The following ASIC2 variants were observed in gnomAD, a reference collection of about 807,000 sequenced individuals.
ASIC2 encodes acid-sensing ion channel 2.
ASIC2 carries 25 observed loss-of-function variants against 57.3 expected under a neutral mutation model. The ratio of observed to expected loss-of-function variants is 0.44; its 90% CI spans 0.32 to 0.61. The LOEUF is 0.61. ASIC2 is among the 20% of genes least tolerant of loss of function. The probability of loss-of-function intolerance (pLI) is 0.06; values close to 1 mark genes in which losing one functional copy is unlikely to be tolerated. For synonymous variants in ASIC2, 319 were observed against 307.5 expected (o/e 1.04, Z -0.39); for missense variants, 641 against 738.1 (o/e 0.87, Z 1.52).
intron 1 of ASIC2, among the ~76,000 whole-genome samples, chr17:33,344,542 G>A (rs1567829559): frequency 6.6e-6 from 1 of 152,144 alleles, no homozygotes; most frequent in East Asian, 1.9e-4. Context: ...ATAGCCCCAA[G>A]CCAAGGATTT....
intron 1 of ASIC2, among the ~76,000 whole-genome samples, chr17:33,178,435 T>C (rs1017487785): frequency 4.6e-5 from 7 of 152,240 alleles, no homozygotes; most frequent in Admixed American, 1.3e-4. Flanking sequence ...CTTGGCTTGT[T>C]ATTCAGTCAA....
At chr17:33,533,473 T>C (rs541072431) in intron 1 of ASIC2, 3 of 152,352 alleles carry the variant, frequency 2.0e-5, no homozygotes, top group East Asian at 1.9e-4. Context: ...CCTTTGGCCA[T>C]CCTGTTCTCT....
intron 1 of ASIC2, among the ~76,000 whole-genome samples, chr17:33,712,070 C>T (rs1452648302): frequency 6.6e-6 from 1 of 152,140 alleles, no homozygotes; most frequent in Non-Finnish European, 1.5e-5. Flanking sequence ...GAAAGGAATT[C>T]CCAAGAGTGA....
chr17:33,657,659 G>A (rs1050196134), intron 1 of ASIC2, among the ~76,000 whole-genome samples: 2 of 148,776 alleles, frequency 1.3e-5, no homozygotes, highest in Non-Finnish European at 3.0e-5. Context: ...GATTTTGGCA[G>A]AAACTTCTGG....
chr17:33,416,138 A>T (rs931707182), intron 1 of ASIC2, among the ~76,000 whole-genome samples: 2 of 152,180 alleles, frequency 1.3e-5, no homozygotes, highest in Non-Finnish European at 2.9e-5. Flanking sequence ...CCCTGGTATC[A>T]GTCATGCACA....
At chr17:33,723,801 T>C (rs1343083490) in intron 1 of ASIC2, among the ~76,000 whole-genome samples, 1 of 152,248 alleles carries the variant, frequency 6.6e-6, no homozygotes, top group Non-Finnish European at 1.5e-5. Flanking sequence ...GTTCTCTGAA[T>C]GCTTACCAAG....
In ASIC2 at chr17:34,050,687, C is replaced by T. The variant is rs550456500; in HGVS notation, c.555+105291G>A. On this transcript the variant is annotated intron_variant, in intron 1 of 9. Coordinates refer to the ASIC2 transcript ENST00000359872. ...AAGAAGCAACTCTGAATACATCACC[C>T]GAACCTCAAGCAGCTTATAGACCAC... Among the ~76,000 whole-genome samples the T allele has an allele frequency of 6.6e-5, 10 of 152,292 alleles. No homozygotes were observed. In the South Asian group the frequency reaches 1.7e-3, roughly 25 times the overall value.
chr17:33,456,878 C>T (rs952149946), intron 1 of ASIC2, among the ~76,000 whole-genome samples: 4 of 152,088 alleles, frequency 2.6e-5, no homozygotes, highest in African/African-American at 9.7e-5. Context: ...GGGGATAGTA[C>T]GAGTACTCAA....
intron 1 of ASIC2, among the ~76,000 whole-genome samples, chr17:33,154,447 C>T (rs975132647): frequency 2.6e-5 from 4 of 152,216 alleles, no homozygotes; most frequent in African/African-American, 7.2e-5. Context: ...GCTTCCCCAA[C>T]AATATCATGG....
At chr17:34,037,689 T>C in intron 1 of ASIC2, 2 of 1,614,088 alleles carry the variant, frequency 1.2e-6, no homozygotes, top group Non-Finnish European at 1.7e-6. Flanking sequence ...GGGCTACTCG[T>C]AGAGACTGAC....
intron 1 of ASIC2, among the ~76,000 whole-genome samples, chr17:33,606,099 T>C (rs1009964617): frequency 1.3e-5 from 2 of 152,206 alleles, no homozygotes; most frequent in Non-Finnish European, 2.9e-5. Flanking sequence ...TCAGGCGCTG[T>C]TATTAGTCTT....
intron 1 of ASIC2, among the ~76,000 whole-genome samples, chr17:33,257,686 C>T (rs1175659404): frequency 6.6e-6 from 1 of 152,132 alleles, no homozygotes; most frequent in Non-Finnish European, 1.5e-5. Flanking sequence ...TTCTCAGGTA[C>T]CATCTCCTGA....
At chr17:33,555,896 C>A (rs996008011) in intron 1 of ASIC2, among the ~76,000 whole-genome samples, 1 of 152,146 alleles carries the variant, frequency 6.6e-6, no homozygotes, top group African/African-American at 2.4e-5. Context: ...CTCTCCAGAG[C>A]AAGATGAGAT....
At chr17:33,051,070 C>T (rs1171407148) in intron 3 of ASIC2, among the ~76,000 whole-genome samples, 2 of 152,146 alleles carry the variant, frequency 1.3e-5, no homozygotes, top group Non-Finnish European at 2.9e-5. Context: ...AGGTACCCCT[C>T]CTTGTCTAAT....
At chr17:33,763,536 C>T (rs1365313090) in intron 1 of ASIC2, among the ~76,000 whole-genome samples, 1 of 152,170 alleles carries the variant, frequency 6.6e-6, no homozygotes, top group Admixed American at 6.5e-5. Flanking sequence ...GTTCCATTGC[C>T]AGGGGAGGGT....
chr17:33,305,716 G>C (rs1906143899), intron 1 of ASIC2, among the ~76,000 whole-genome samples: 1 of 152,064 alleles, frequency 6.6e-6, no homozygotes, highest in African/African-American at 2.4e-5. Context: ...ATATAGGAAA[G>C]GACAGGATCT....
At chr17:33,313,102 G>T (rs1013860996) in intron 1 of ASIC2, among the ~76,000 whole-genome samples, 1 of 152,168 alleles carries the variant, frequency 6.6e-6, no homozygotes, top group Non-Finnish European at 1.5e-5. Context: ...GAGCCCAAGA[G>T]TTCAAGACCA....
chr17:33,589,061 A>G (rs1904741509), intron 1 of ASIC2, among the ~76,000 whole-genome samples: 1 of 152,262 alleles, frequency 6.6e-6, no homozygotes, highest in Admixed American at 6.5e-5. Context: ...TATACTATAC[A>G]TTTTAAGCAT....
chr17:33,673,543 G>A (rs115968075), intron 1 of ASIC2, among the ~76,000 whole-genome samples: 38 of 152,290 alleles, frequency 2.5e-4, no homozygotes, highest in African/African-American at 8.4e-4. Flanking sequence ...GAGGAGTGAT[G>A]TTCAGGCAAA....
Sources: allele counts gnomAD v4.1 joint callset (sites outside exome capture counted in the v4.1 genomes callset), GRCh38; gene constraint gnomAD v4.1.1; transcripts MANE v1.5; gene names NCBI Gene and HGNC (gene_info 2026-07-23, HGNC 2026-07-21).